CHN2: variants seen among roughly 807,000 people sequenced by gnomAD.
CHN2 encodes beta-chimaerin.
CHN2 carries 35 observed loss-of-function variants against 56.3 expected under a neutral mutation model. The observed-to-expected ratio is 0.62, with a 90% CI of 0.47 to 0.82. The LOEUF is 0.82. Among genes scored for constraint, CHN2 ranks in the 40% least tolerant of loss-of-function variants. The pLI is 0.00. For missense variants in CHN2, 491 were observed against 580.5 expected, an observed-to-expected ratio of 0.85 and a Z score of 1.58; for synonymous variants, 210 against 212.8, an observed-to-expected ratio of 0.99 and a Z score of 0.12.
intron 7 of CHN2, among the ~76,000 whole-genome samples, chr7:29,491,632 C>G (rs1442792716): frequency 3.3e-5 from 5 of 152,262 alleles, no homozygotes; most frequent in Admixed American, 1.3e-4. Context: ...TGGTCTCTAC[C>G]TGGCCTCAAG....
At chr7:29,163,737 C>G (rs912295370) in intron 2 of CHN2, among the ~76,000 whole-genome samples, 29 of 152,242 alleles carry the variant, frequency 1.9e-4, no homozygotes, top group African/African-American at 6.0e-4. Flanking sequence ...ATCAGCTTTC[C>G]ATTACTATAG....
intron 1 of CHN2, among the ~76,000 whole-genome samples, chr7:29,274,654 G>C (rs930691974): frequency 7.8e-5 from 7 of 89,178 alleles, no homozygotes; most frequent in African/African-American, 4.5e-4. Context: ...GAATGACAGT[G>C]GGTACAGCCA....
intron 6 of CHN2, among the ~76,000 whole-genome samples, chr7:29,475,117 C>A (rs1255315687): frequency 1.3e-5 from 2 of 152,152 alleles, no homozygotes; most frequent in East Asian, 1.9e-4. Flanking sequence ...CTATATCTGA[C>A]AACCTCTCAT....
chr7:29,279,304 C>T (rs1193099176), intron 1 of CHN2, among the ~76,000 whole-genome samples: 1 of 152,240 alleles, frequency 6.6e-6, no homozygotes, highest in Non-Finnish European at 1.5e-5. Context: ...TATCATCCCT[C>T]ACGCGGCAGC....
chr7:29,462,374 G>A (rs1376776451), intron 6 of CHN2, among the ~76,000 whole-genome samples: 1 of 152,128 alleles, frequency 6.6e-6, no homozygotes, highest in Non-Finnish European at 1.5e-5. Context: ...TGCATGTTCT[G>A]TTGGGTCAGA....
intron 1 of CHN2, among the ~76,000 whole-genome samples, chr7:29,247,503 C>T (rs1298849660): frequency 6.6e-6 from 1 of 152,230 alleles, no homozygotes; most frequent in Non-Finnish European, 1.5e-5. Context: ...GACCTGCTTC[C>T]TGAGCTCAGC....
intron 1 of CHN2, among the ~76,000 whole-genome samples, chr7:29,224,282 A>C (rs1293484901): frequency 6.6e-6 from 1 of 152,242 alleles, no homozygotes; most frequent in African/African-American, 2.4e-5. Context: ...TTTGTGATTA[A>C]GTGATACTCT....
In CHN2 at chr7:29,474,933, C is replaced by T. The variant is rs184625746; in HGVS notation, c.577-5346C>T. Reference sequence around the variant, plus strand: ...AGGAGGAGCCATTGCTTAGATGAACCTCTAAGGTCCCTTCTGGGCTTATGA... The same window carrying T: ...AGGAGGAGCCATTGCTTAGATGAACTTCTAAGGTCCCTTCTGGGCTTATGA... On this transcript the variant is annotated intron_variant, in intron 6 of 12. Coordinates refer to ENST00000222792, the MANE Select transcript of CHN2 (RefSeq NM_004067.4). 3.0e-3 allele frequency among the ~76,000 whole-genome samples: 464 copies of T among 152,274 alleles called. 1 individual carries two copies. The highest frequency in any genetic ancestry group is 5.0e-3 in the Non-Finnish European group (337 of 68,012).
chr7:29,478,655 T>C (rs924934447), intron 6 of CHN2, among the ~76,000 whole-genome samples: 1 of 152,190 alleles, frequency 6.6e-6, no homozygotes, highest in Non-Finnish European at 1.5e-5. Context: ...TTGGGCAAAT[T>C]GCTTTACCTC....
chr7:29,466,919 T>C (rs1423563047), intron 6 of CHN2, among the ~76,000 whole-genome samples: 1 of 152,202 alleles, frequency 6.6e-6, no homozygotes, highest in African/African-American at 2.4e-5. Flanking sequence ...AAAGAAGTTT[T>C]AAAAGATAAA....
intron 2 of CHN2, among the ~76,000 whole-genome samples, chr7:29,174,860 TAAAA>T (rs766262407): frequency 1.3e-5 from 1 of 74,234 alleles, no homozygotes; most frequent in Non-Finnish European, 2.9e-5. Flanking sequence ...AAACTCCATC[TAAAA>T]AAAAAAAAAA....
chr7:29,350,314 C>G (rs538460964), intron 1 of CHN2, among the ~76,000 whole-genome samples: 10 of 151,978 alleles, frequency 6.6e-5, no homozygotes, highest in Non-Finnish European at 1.3e-4. Context: ...GTCAGCCTAT[C>G]CAAGACGCAA....
At chr7:29,436,031 A>G (rs1194494577) in intron 6 of CHN2, among the ~76,000 whole-genome samples, 1 of 152,002 alleles carries the variant, frequency 6.6e-6, no homozygotes, top group African/African-American at 2.4e-5. Flanking sequence ...TGCTTGCCCT[A>G]AAGATGCAAC....
At chr7:29,326,379 A>G (rs1286499223) in intron 1 of CHN2, among the ~76,000 whole-genome samples, 1 of 152,092 alleles carries the variant, frequency 6.6e-6, no homozygotes, top group Non-Finnish European at 1.5e-5. Flanking sequence ...GCTGGTCTTG[A>G]TCTCCTGACC....
intron 1 of CHN2, among the ~76,000 whole-genome samples, chr7:29,266,028 C>T (rs1237270293): frequency 6.6e-6 from 1 of 152,002 alleles, no homozygotes; most frequent in South Asian, 2.1e-4. Flanking sequence ...ATCTTCCCCC[C>T]AAAAAAGATC....
At chr7:29,497,107 A>G (rs1009964030) in intron 8 of CHN2, among the ~76,000 whole-genome samples, 1 of 152,124 alleles carries the variant, frequency 6.6e-6, no homozygotes, top group Admixed American at 6.6e-5. Flanking sequence ...TGATACCTGG[A>G]TGGTTCAAGT....
At chr7:29,488,302 A>C (rs1788271347) in intron 7 of CHN2, among the ~76,000 whole-genome samples, 1 of 152,204 alleles carries the variant, frequency 6.6e-6, no homozygotes, top group Non-Finnish European at 1.5e-5. Context: ...TTTTCATATG[A>C]GATGAATGTC....
At chr7:29,177,232 GTTTTA>G (rs958739621) in intron 2 of CHN2, among the ~76,000 whole-genome samples, 1 of 90,488 alleles carries the variant, frequency 1.1e-5, no homozygotes, top group Non-Finnish European at 2.0e-5. Context: ...TTCTTTTTTT[GTTTTA>G]TTTTGTTTTG....
chr7:29,423,487 A>T (rs1804545961), intron 6 of CHN2, among the ~76,000 whole-genome samples: 3 of 152,200 alleles, frequency 2.0e-5, no homozygotes, highest in Non-Finnish European at 4.4e-5. Flanking sequence ...TTTTGTTGAG[A>T]CTGCCTTGCC....
Sources: allele counts gnomAD v4.1 joint callset (sites outside exome capture counted in the v4.1 genomes callset), GRCh38; gene constraint gnomAD v4.1.1; transcripts MANE v1.5; gene names NCBI Gene and HGNC (gene_info 2026-07-23, HGNC 2026-07-21).